ODR4: variants seen among roughly 807,000 people sequenced by gnomAD.
ODR4 encodes the protein protein odr-4 homolog.
ODR4 carries 47 observed loss-of-function variants against 60.2 expected under a neutral mutation model. The ratio of observed to expected loss-of-function variants is 0.78; its 90% CI spans 0.62 to 1.00. ODR4 has a LOEUF of 1.00. Ranked by LOEUF, ODR4 falls within the 50% of genes least tolerant of loss-of-function variation. ODR4 has a pLI of 0.00. For missense variants in ODR4, 488 were observed against 530.8 expected (o/e 0.92, Z 0.79); for synonymous variants, 178 against 175.5 (o/e 1.01, Z -0.11).
At chr1:186,411,529 AT>A (rs1270222392) in intron 12 of ODR4, among the ~76,000 whole-genome samples, 2 of 152,002 alleles carry the variant, frequency 1.3e-5, no homozygotes, top group African/African-American at 4.8e-5. Context: ...AATTGTTTTT[AT>A]TTATATATAT....
At position 186,379,819 on chromosome 1, in the gene ODR4, G is replaced by C. The variant is rs367692003; in HGVS notation, c.34G>C (p.Gly12Arg). 13 of 1,608,028 alleles carry C rather than the reference G, an allele frequency of 8.1e-6. No homozygotes were observed. Among genetic ancestry groups the C allele is most frequent in the Non-Finnish European group, 1.1e-5 (13 of 1,177,538 alleles). Residue 12 changes from glycine (G) to arginine (R), a missense_variant, in exon 2 of 14, where the codon GGC (glycine) becomes CGC (arginine). Coordinates refer to ENST00000287859, the MANE Select transcript of ODR4 (RefSeq NM_017847.6). ...GRTYIVEETV[G>R]QYLSNINLQG... ...AACCTACATTGTAGAAGAGACTGTT[G>C]GCCAGTATCTTTCAAACATAAATCT... is the stretch of plus-strand genomic sequence containing the variant.
chr1:186,430,322 G>A, the ODR4 span, among the ~76,000 whole-genome samples: 4 of 152,164 alleles, frequency 2.6e-5, no homozygotes, highest in South Asian at 8.3e-4. Context: ...TCCCAGAAGA[G>A]CACTGTACAA....
chr1:186,431,434 C>A, the ODR4 span, among the ~76,000 whole-genome samples: 1 of 151,716 alleles, frequency 6.6e-6, no homozygotes. Flanking sequence ...AAATGAAGAG[C>A]AATATTTGGG....
At position 186,383,026 on chromosome 1, in the gene ODR4, C is replaced by T. The variant is rs996539979; in HGVS notation, c.104C>T (p.Ser35Leu). ...CTTTTTAATTTGTTGTTGAAGTGTT[C>T]GTCACAAAAGGATTATGTGATTCTT... ...FVSGLLIGQCSSQKDYVILAT... is the reference protein window; with the variant it reads ...FVSGLLIGQCLSQKDYVILAT... The change falls in exon 3 of 14, where the codon TCG becomes TTG. Residue 35 changes from serine to leucine, a missense_variant. Ser to Leu is a moderately radical substitution (Grantham distance 145). Transcript: ENST00000287859. 6 of 1,582,890 alleles carry T rather than the reference C, an allele frequency of 3.8e-6. No homozygotes were observed. The highest frequency in any genetic ancestry group is 5.2e-6 in the Non-Finnish European group (6 of 1,163,794).
intron 10 of ODR4, 117 bp from the exon 11 acceptor site, chr1:186,398,837 C>G: frequency 1.7e-6 from 1 of 604,766 alleles, no homozygotes; most frequent in Non-Finnish European, 2.8e-6. Context: ...AATGATGTAT[C>G]AGTTATTTAG....
the ODR4 span, among the ~76,000 whole-genome samples, chr1:186,429,997 G>A: frequency 6.6e-6 from 1 of 152,042 alleles, no homozygotes; most frequent in East Asian, 1.9e-4. Context: ...AGAGTTAGAA[G>A]TTACAGTTGT....
At chr1:186,415,648 C>T (rs545453372) in intron 12 of ODR4, among the ~76,000 whole-genome samples, 1 of 152,278 alleles carries the variant, frequency 6.6e-6, no homozygotes, top group South Asian at 2.1e-4. Context: ...TTTTTACACA[C>T]TGGGAATTTC....
chr1:186,395,316 A>G (rs566469267), intron 9 of ODR4, among the ~76,000 whole-genome samples: 4 of 152,094 alleles, frequency 2.6e-5, no homozygotes, highest in Admixed American at 2.6e-4. Context: ...GGTGGTCTCA[A>G]TCTCCTGACC....
chr1:186,397,776 C>G (rs911624464), intron 9 of ODR4, among the ~76,000 whole-genome samples: 1 of 152,216 alleles, frequency 6.6e-6, no homozygotes, highest in South Asian at 2.1e-4. Context: ...ACCTGAAAAC[C>G]GAACAAGAGC....
At position 186,391,704 on chromosome 1, in the gene ODR4, TAC is replaced by T; in HGVS notation, c.627_628del (p.Arg210LeufsTer13). ...GTTGTGTTTCTGTTAAGAATGGACT[TAC>T]ACGCTGGGCCAAGGAAATAGAAAAT... is the stretch of plus-strand genomic sequence containing the variant. ...TLEKNTKNGL[T>X]RWAKEIENGV... On this transcript the variant is annotated frameshift_variant, in exon 8 of 14. Coordinates refer to ENST00000287859, the MANE Select transcript of ODR4 (RefSeq NM_017847.6). LOFTEE classifies it high-confidence loss of function. The T allele has an allele frequency of 6.3e-7, 1 of 1,595,904 alleles. No homozygotes were observed. The highest frequency in any genetic ancestry group is 8.6e-7 in the Non-Finnish European group (1 of 1,169,116).
intron 9 of ODR4, among the ~76,000 whole-genome samples, chr1:186,397,246 G>A (rs1410288794): frequency 2.0e-5 from 3 of 151,888 alleles, no homozygotes; most frequent in South Asian, 4.2e-4. Context: ...TTATTTTTCC[G>A]CATTTATTCC....
intron 11 of ODR4, chr1:186,400,909 A>G (rs2102060519): frequency 1.4e-6 from 1 of 732,566 alleles, no homozygotes; most frequent in South Asian, 1.5e-5. Context: ...TCAGTCTAGC[A>G]GCCCCATCTC....
At chr1:186,416,028 CAAAT>C (rs966711231) in intron 12 of ODR4, among the ~76,000 whole-genome samples, 6 of 151,870 alleles carry the variant, frequency 4.0e-5, no homozygotes, top group Admixed American at 2.6e-4. Flanking sequence ...TTTTTTTGTA[CAAAT>C]AAATATTTTA....
At chr1:186,403,376 CATAA>C (rs1571689623) in intron 11 of ODR4, among the ~76,000 whole-genome samples, 1 of 151,832 alleles carries the variant, frequency 6.6e-6, no homozygotes, top group East Asian at 1.9e-4. Context: ...TCCCCTGAAG[CATAA>C]ATAAATGTAA....
chr1:186,377,374 A>G (rs1283748661), intron 1 of ODR4, among the ~76,000 whole-genome samples: 1 of 152,216 alleles, frequency 6.6e-6, no homozygotes, highest in Non-Finnish European at 1.5e-5. Flanking sequence ...ATTTTGAAAG[A>G]GCACTAAAGA....
chr1:186,386,517 GATTA>G (rs1372509650), intron 4 of ODR4, among the ~76,000 whole-genome samples: 8 of 152,120 alleles, frequency 5.3e-5, no homozygotes, highest in East Asian at 1.9e-4. Context: ...AAATTCAAAT[GATTA>G]ATTATAATAT....
chr1:186,381,622 C>T (rs1405167280), intron 2 of ODR4, among the ~76,000 whole-genome samples: 1 of 152,040 alleles, frequency 6.6e-6, no homozygotes, highest in East Asian at 1.9e-4. Flanking sequence ...CCACCGCGCC[C>T]GGCCTAAGGC....
In ODR4 at chr1:186,391,665, T is replaced by C. The variant is rs1461330026; in HGVS notation, c.616-31T>C. 5 of 1,386,200 alleles carry C rather than the reference T, an allele frequency of 3.6e-6. No individual in the cohort carries two copies. In the South Asian group the frequency reaches 6.1e-5, roughly 17 times the overall value. 85.9% of individuals were successfully genotyped at this position (1,386,200 alleles called of 1,614,324 possible). A position where few individuals can be genotyped will look rare whatever the true frequency, so the allele number is the denominator to read the frequency against. ...AGTTTAATTGAGATGGCATTGTATC[T>C]GAAAGATTTCCATGTTGTGTTTCTG... On this transcript the variant is annotated intron_variant, in intron 7 of 13. Coordinates refer to ENST00000287859, the MANE Select transcript of ODR4 (RefSeq NM_017847.6).
At chr1:186,396,759 A>AGATAGATG (rs1553236029) in intron 9 of ODR4, among the ~76,000 whole-genome samples, 2 of 151,976 alleles carry the variant, frequency 1.3e-5, no homozygotes, top group South Asian at 2.1e-4. Context: ...ATAGATAGAT[A>AGATAGATG]TATGTATATA....
Sources: allele counts gnomAD v4.1 joint callset (sites outside exome capture counted in the v4.1 genomes callset), GRCh38; gene constraint gnomAD v4.1.1; transcripts MANE v1.5; gene names NCBI Gene and HGNC (gene_info 2026-07-23, HGNC 2026-07-21).